ASXL3: variants seen among roughly 807,000 people sequenced by gnomAD.
ASXL3 encodes putative Polycomb group protein ASXL3.
Under a neutral mutation model 170.6 loss-of-function variants are expected in ASXL3, and 34 were observed. That is an observed-to-expected ratio of 0.20 (90% CI 0.15 to 0.27). The LOEUF is 0.27. ASXL3 is among the 10% of genes least tolerant of loss of function. The pLI is 1.00. For synonymous variants in ASXL3, 1,002 were observed against 989.1 expected (o/e 1.01, Z -0.24); for missense variants, 2,592 against 2,695.3 (o/e 0.96, Z 0.85).
intron 9 of ASXL3, among the ~76,000 whole-genome samples, chr18:33,733,791 T>C (rs558397822): frequency 1.8e-4 from 28 of 152,318 alleles, no homozygotes; most frequent in South Asian, 8.3e-4. Context: ...TGCCTTGTGA[T>C]TTAATTACTT....
chr18:33,613,569 T>C (rs541388872), intron 2 of ASXL3, among the ~76,000 whole-genome samples: 7 of 152,242 alleles, frequency 4.6e-5, no homozygotes, highest in Admixed American at 2.0e-4. Flanking sequence ...TATACTGTAG[T>C]CTGTTGGGTG....
chr18:33,691,457 G>A (rs1009761557), intron 8 of ASXL3, among the ~76,000 whole-genome samples: 3 of 152,208 alleles, frequency 2.0e-5, no homozygotes, highest in Admixed American at 6.5e-5. Context: ...CAGACCTTGT[G>A]AGGAAGTTGA....
chr18:33,690,092 A>C (rs901620671), intron 8 of ASXL3: 2 of 152,034 alleles, frequency 1.3e-5, no homozygotes, highest in Non-Finnish European at 2.9e-5. Context: ...TCCTGTCCTC[A>C]TGTGGTCCCC....
At chr18:33,624,585 T>C (rs2065571110) in intron 2 of ASXL3, among the ~76,000 whole-genome samples, 4 of 152,142 alleles carry the variant, frequency 2.6e-5, no homozygotes, top group Admixed American at 2.6e-4. Context: ...TTAACAGTAG[T>C]ATCCCGACAG....
chr18:33,746,911 A>G lies in ASXL3; in HGVS notation c.*316A>G, dbSNP rs977006181. On this transcript the variant is annotated 3_prime_UTR_variant, in exon 12 of 12. Transcript: ENST00000269197. Reference sequence around the variant, plus strand: ...TAACCGAGGTGTAGATAGGAAAAGGACATTTTTAATTACTTAATAACCGGA... The same window carrying G: ...TAACCGAGGTGTAGATAGGAAAAGGGCATTTTTAATTACTTAATAACCGGA... 3 of 245,546 alleles carry G rather than the reference A, an allele frequency of 1.2e-5. No individual in the cohort carries two copies. Among genetic ancestry groups the G allele is most frequent in the Non-Finnish European group, 2.3e-5 (3 of 129,420 alleles). 15.2% of individuals were successfully genotyped at this position (245,546 alleles called of 1,614,324 possible). A position where few individuals can be genotyped will look rare whatever the true frequency, so the allele number is the denominator to read the frequency against.
At chr18:33,732,102 A>C in intron 9 of ASXL3, 38 bp downstream of exon 9, 1 of 1,513,494 alleles carries the variant, frequency 6.6e-7, no homozygotes, top group Non-Finnish European at 9.1e-7. Flanking sequence ...GACATATTGG[A>C]GTACACATAC....
chr18:33,713,256 T>TTG (rs2067105409), intron 8 of ASXL3, among the ~76,000 whole-genome samples: 2 of 113,144 alleles, frequency 1.8e-5, no homozygotes, highest in Admixed American at 9.1e-5. Flanking sequence ...TTGTTTTTTT[T>TTG]TTTTTTTTTT....
At chr18:33,635,953 T>C (rs1599425355) in intron 2 of ASXL3, among the ~76,000 whole-genome samples, 1 of 152,212 alleles carries the variant, frequency 6.6e-6, no homozygotes, top group Non-Finnish European at 1.5e-5. Flanking sequence ...AATAAATATG[T>C]CTATCTCCTG....
At position 33,594,752 on chromosome 18, in the gene ASXL3, A is replaced by G. The variant is rs183097337; in HGVS notation, c.55-12842A>G. On this transcript the variant is annotated intron_variant, in intron 1 of 11. Transcript: ENST00000269197. ...GTTTAGCATAAATCTTAATTTATAT[A>G]TATATAAATGGGGTCTCACTATGTT... Among the ~76,000 whole-genome samples the G allele has an allele frequency of 4.9e-3, 748 of 152,146 alleles. 4 individuals carry two copies. Among genetic ancestry groups the G allele is most frequent in the Middle Eastern group, 0.01 (3 of 294 alleles).
intron 10 of ASXL3, 75 bp downstream of exon 10, chr18:33,734,490 C>T: frequency 1.1e-6 from 1 of 878,440 alleles, no homozygotes; most frequent in South Asian, 2.1e-5. Context: ...ACATAGCACA[C>T]TCATATGCTG....
In ASXL3 at chr18:33,601,785, G is replaced by GTA. The variant is rs1555717840; in HGVS notation, c.55-5800_55-5799dup. Among the ~76,000 whole-genome samples the GTA allele has an allele frequency of 2.3e-4, 24 of 103,952 alleles. 3 individuals are homozygous for GTA. The highest frequency in any genetic ancestry group is 3.8e-4 in the Non-Finnish European group (17 of 44,814). The allele number at this position is 103,952 out of a possible 152,430, so 68.2% of individuals were successfully genotyped here. ...TGAGAATTTAAGTAAATATCTGATT[G>GTA]TATATATATAGTTTGTTTGTTTTGA... On this transcript the variant is annotated intron_variant, in intron 1 of 11. Coordinates refer to ENST00000269197, the MANE Select transcript of ASXL3 (RefSeq NM_030632.3).
intron 4 of ASXL3, among the ~76,000 whole-genome samples, chr18:33,654,850 A>G (rs1031048394): frequency 2.0e-5 from 3 of 152,006 alleles, no homozygotes; most frequent in Non-Finnish European, 4.4e-5. Context: ...CCTACTAAAT[A>G]TATTTATTTT....
chr18:33,698,133 T>C lies in ASXL3; in HGVS notation c.879+14565T>C, dbSNP rs1022282697. 2.6e-5 allele frequency among the ~76,000 whole-genome samples: 4 copies of C among 152,124 alleles called. No homozygotes were observed. The South Asian group carries it at 6.2e-4, about 24-fold the overall frequency. Reference sequence around the variant, plus strand: ...AAGAGATGTGGGGCCTTTTGAGAAGTGATTAAGTCAGGAGGACTTTGCCCT... The same window carrying C: ...AAGAGATGTGGGGCCTTTTGAGAAGCGATTAAGTCAGGAGGACTTTGCCCT... On this transcript the variant is annotated intron_variant, in intron 8 of 11. Transcript: ENST00000269197.
intron 11 of ASXL3, among the ~76,000 whole-genome samples, chr18:33,740,783 T>C (rs2067649082): frequency 6.6e-6 from 1 of 152,206 alleles, no homozygotes; most frequent in South Asian, 2.1e-4. Context: ...AAAGATAATT[T>C]AGTTTTCTAT....
Position 33,578,637 on chromosome 18 carries a change from A to G in ASXL3, c.6A>G (p.Lys2=). Residue 2 remains lysine (K), a synonymous_variant, in exon 1 of 12, where the codon AAA becomes AAG. Coordinates refer to ENST00000269197, the MANE Select transcript of ASXL3 (RefSeq NM_030632.3). The part of the protein sequence containing the change: M[K]DKRKKKDRTW... ...ACCATCAATGAGATGCAAACATGAA[A>G]GACAAGAGGAAGAAGAAGGACCGCA... The G allele has an allele frequency of 1.5e-6, 2 of 1,357,744 alleles. No homozygotes were observed. The highest frequency in any genetic ancestry group is 1.9e-6 in the Non-Finnish European group (2 of 1,028,944). 84.1% of individuals were successfully genotyped at this position (1,357,744 alleles called of 1,614,324 possible). A position where few individuals can be genotyped will look rare whatever the true frequency, so the allele number is the denominator to read the frequency against.
chr18:33,730,538 C>CCAGT (rs1218198201), intron 8 of ASXL3, among the ~76,000 whole-genome samples: 5 of 152,122 alleles, frequency 3.3e-5, no homozygotes, highest in Non-Finnish European at 7.4e-5. Flanking sequence ...CTAGAGTTAT[C>CCAGT]CAGTCAAAAG....
intron 1 of ASXL3, among the ~76,000 whole-genome samples, chr18:33,601,168 T>C (rs2145113170): frequency 6.6e-6 from 1 of 152,206 alleles, no homozygotes. Flanking sequence ...GAAGTTTACT[T>C]AGGAAATCTC....
chr18:33,702,740 A>G (rs964942199), intron 8 of ASXL3, among the ~76,000 whole-genome samples: 17 of 152,128 alleles, frequency 1.1e-4, no homozygotes, highest in Non-Finnish European at 2.2e-4. Context: ...CATAAATTAT[A>G]TTAGGTTTTC....
rs972749269 is a variant in ASXL3 at position 33,745,632 on chromosome 18, ACAG to A, written c.5788_5790del (p.Gln1930del). 18 of 1,613,858 alleles carry A rather than the reference ACAG, an allele frequency of 1.1e-5. No individual in the cohort carries two copies. The highest frequency in any genetic ancestry group is 1.4e-5 in the Non-Finnish European group (17 of 1,179,890). On this transcript the variant is annotated inframe_deletion, in exon 12 of 12. Transcript: ENST00000269197. ...ACACTGACGCTGGTACCTCACACAG[ACAG>A]CAGTTTTACCAAATGCCTGTGGCTG...
Sources: gnomAD v4.1 joint callset for allele counts (sites outside exome capture counted in the v4.1 genomes callset) on GRCh38, gnomAD v4.1.1 for gene constraint, MANE v1.5 for transcripts, NCBI Gene and HGNC (gene_info 2026-07-23, HGNC 2026-07-21) for gene names.